NCAPD2: variants seen among roughly 807,000 people sequenced by gnomAD.
NCAPD2 encodes non-SMC condensin I complex subunit D2, also known as condensin complex subunit 1.
In NCAPD2, 100 loss-of-function variants were observed where a neutral mutation model predicts 164.5. That is an observed-to-expected ratio of 0.61 (90% CI 0.52 to 0.72). The LOEUF is 0.72. Ranked by LOEUF, NCAPD2 falls within the 30% of genes least tolerant of loss-of-function variation. The pLI, the probability that NCAPD2 is intolerant of heterozygous loss-of-function variation, is 0.00. For synonymous variants in NCAPD2, 585 were observed against 642.6 expected (o/e 0.91, Z 1.36); for missense variants, 1,560 against 1,749.2 (o/e 0.89, Z 1.93).
chr12:6,511,053 A>T, intron 5 of NCAPD2, 57 bp from the exon 6 acceptor site: 3 of 1,586,818 alleles, frequency 1.9e-6, no homozygotes, highest in Non-Finnish European at 2.6e-6. Flanking sequence ...AGACTGACAG[A>T]TCTTGACCCA....
At chr12:6,500,952 C>T (rs10849471) in intron 2 of NCAPD2, among the ~76,000 whole-genome samples, 23,858 of 151,802 alleles carry the variant, frequency 0.16, 2,161 homozygotes, top group East Asian at 0.31. Flanking sequence ...GGTGATAAAA[C>T]GACTCAGGAT....
At chr12:6,502,827 C>G (rs1350981368) in intron 2 of NCAPD2, among the ~76,000 whole-genome samples, 2 of 120,378 alleles carry the variant, frequency 1.7e-5, no homozygotes, top group Non-Finnish European at 3.4e-5. Flanking sequence ...AAATTGTTTA[C>G]AAAGGTGTTT....
At chr12:6,516,168 C>A (rs1407021261) in intron 9 of NCAPD2, among the ~76,000 whole-genome samples, 1 of 150,492 alleles carries the variant, frequency 6.6e-6, no homozygotes, top group Non-Finnish European at 1.5e-5. Context: ...TGCACTCCAA[C>A]CTGGGTGACA....
At chr12:6,521,766 C>G in intron 14 of NCAPD2, 32 bp from the exon 15 acceptor site, 1 of 1,607,278 alleles carries the variant, frequency 6.2e-7, no homozygotes. Flanking sequence ...TCCCCTTGAA[C>G]GAAACCATCC....
chr12:6,530,795 A>G lies in NCAPD2; in HGVS notation c.3942A>G (p.Pro1314=), dbSNP rs144598859. 109 of 1,614,218 alleles carry G rather than the reference A, an allele frequency of 6.8e-5. 1 individual carries two copies. The African/African-American group carries it at 1.3e-3, about 20-fold the overall frequency. The change falls in exon 30 of 32, where the codon CCA becomes CCG. Residue 1314 remains proline, a synonymous_variant. Coordinates refer to ENST00000315579, the MANE Select transcript of NCAPD2 (RefSeq NM_014865.4). ...GCCAAGCAGGTAGCCAGAGAGCGCC[A>G]TCAGCCAAGAAACCATCCACTGGTA... The part of the protein sequence containing the change: ...EIGQAGSQRA[P]SAKKPSTGSR...
chr12:6,494,450 C>T (rs1206156016), intron 1 of NCAPD2, among the ~76,000 whole-genome samples: 1 of 152,232 alleles, frequency 6.6e-6, no homozygotes, highest in Non-Finnish European at 1.5e-5. Context: ...TTATTATGCA[C>T]CTCATGGGAT....
rs183788505 is a variant in NCAPD2, at chr12:6,528,985, G to T, written c.3518G>T (p.Arg1173Leu). 5 of 1,613,610 alleles carry T rather than the reference G, an allele frequency of 3.1e-6. No homozygotes were observed. The highest frequency in any genetic ancestry group is 3.3e-5 in the Admixed American group (2 of 59,984). The change falls in exon 27 of 32, where the codon CGC becomes CTC. Residue 1173 changes from arginine (R) to leucine (L), a missense_variant. Transcript: ENST00000315579. The surrounding 1 kb of genome is among the most constrained non-coding windows in gnomAD (Gnocchi z 5.1). ...IYNLLPDIIS[R>L]LSDPELGVEE... Reference sequence around the variant, plus strand: ...AATCTCCTTCCAGATATCATCAGCCGCCTGTCAGACCCCGAGCTGGGGGTG... The same window carrying T: ...AATCTCCTTCCAGATATCATCAGCCTCCTGTCAGACCCCGAGCTGGGGGTG...
In NCAPD2 at chr12:6,497,536, T is replaced by A. The variant is rs1001854513; in HGVS notation, c.127+2311T>A. Among the ~76,000 whole-genome samples, 4 of 152,324 alleles carry A rather than the reference T, an allele frequency of 2.6e-5. No homozygotes were observed. The East Asian group carries it at 7.7e-4, about 29-fold the overall frequency. ...TCATTGTTCAGCTCCCACTTGTAAG[T>A]AAGAACATGCAGTGTTTGGTTTTCT... On this transcript the variant is annotated intron_variant, in intron 2 of 31. Coordinates refer to ENST00000315579, the MANE Select transcript of NCAPD2 (RefSeq NM_014865.4).
chr12:6,506,183 C>T (rs1194440811), intron 2 of NCAPD2, among the ~76,000 whole-genome samples: 1 of 152,084 alleles, frequency 6.6e-6, no homozygotes, highest in East Asian at 1.9e-4. Flanking sequence ...GTCTTGAGCT[C>T]CTGACCTCAA....
intron 6 of NCAPD2, among the ~76,000 whole-genome samples, chr12:6,513,977 A>G (rs948224784): frequency 4.0e-5 from 6 of 151,826 alleles, no homozygotes; most frequent in Non-Finnish European, 8.8e-5. Context: ...GGCCTCCCAA[A>G]GTGCTGGGAT....
In NCAPD2 at chr12:6,510,664, C is replaced by G; in HGVS notation, c.298C>G (p.Leu100Val). 1.2e-6 allele frequency: 2 copies of G among 1,614,166 alleles called. No individual in the cohort carries two copies. The highest frequency in any genetic ancestry group is 1.7e-6 in the Non-Finnish European group (2 of 1,180,040). The part of the protein sequence containing the change: ...SRHSQELPAI[L>V]DDTTLSGSDR... The stretch of plus-strand genomic sequence containing the variant: ...CCACTCCCAGGAGCTTCCAGCTATC[C>G]TGGATGATACAACTTTGAGTGGATC... Residue 100 changes from leucine to valine, a missense_variant, in exon 5 of 32, where the codon CTG becomes GTG. By Grantham distance (32) the Leu-to-Val change is conservative. Coordinates refer to ENST00000315579, the MANE Select transcript of NCAPD2 (RefSeq NM_014865.4).
chr12:6,510,882 T>C (rs913120307), intron 5 of NCAPD2, 72 bp downstream of exon 5: 1 of 1,503,896 alleles, frequency 6.6e-7, no homozygotes, highest in Non-Finnish European at 9.1e-7. Flanking sequence ...AAGAAGGGAA[T>C]CCAATGATCC....
chr12:6,508,019 C>T (rs534179173), intron 2 of NCAPD2, among the ~76,000 whole-genome samples: 42 of 151,854 alleles, frequency 2.8e-4, no homozygotes, highest in African/African-American at 1.0e-3. Flanking sequence ...CCTGTCGCTA[C>T]AAAAAATTAA....
At chr12:6,516,699 TTGGGATTCAGCTTTCTCCTGTGACCTTG>T in intron 9 of NCAPD2, 101 bp from the exon 10 acceptor site, 1 of 892,138 alleles carries the variant, frequency 1.1e-6, no homozygotes, top group Non-Finnish European at 1.7e-6. Flanking sequence ...CAAGTCCTCT[TTGGGATTCAGCTTTCTCCTGTGACCTTG>T]GGAGTGAATA....
rs1371237531 is a variant in NCAPD2, at chr12:6,522,883, G to A, written c.2010G>A (p.Gln670=). ...FVMVFQFGVP[Q]ALFGVRRMLP... is the part of the protein sequence containing the mutation. ...TGGTCTTCCAATTTGGGGTACCCCAGGCCCTGTTTGGGGTGCGCCGTATGC... is the reference window on the plus strand; with the variant it reads ...TGGTCTTCCAATTTGGGGTACCCCAAGCCCTGTTTGGGGTGCGCCGTATGC... The change falls in exon 16 of 32, where the codon CAG becomes CAA. Residue 670 remains glutamine (Q), a synonymous_variant. Coordinates refer to ENST00000315579, the MANE Select transcript of NCAPD2 (RefSeq NM_014865.4). 1 of 1,614,182 alleles carries A rather than the reference G, an allele frequency of 6.2e-7. No homozygotes were observed. The highest frequency in any genetic ancestry group is 1.1e-5 in the South Asian group (1 of 91,084).
chr12:6,500,378 G>A (rs1215772060), intron 2 of NCAPD2, among the ~76,000 whole-genome samples: 1 of 152,166 alleles, frequency 6.6e-6, no homozygotes, highest in Non-Finnish European at 1.5e-5. Context: ...AGAAAGTAAG[G>A]AAATAAACTA....
In NCAPD2 at chr12:6,508,905, G is replaced by A. The variant is rs560509075; in HGVS notation, c.128-812G>A. Among the ~76,000 whole-genome samples the A allele has an allele frequency of 1.2e-4, 18 of 152,066 alleles. No individual in the cohort carries two copies. In the South Asian group the frequency reaches 2.3e-3, roughly 19 times the overall value. On this transcript the variant is annotated intron_variant, in intron 2 of 31. Transcript: ENST00000315579. ...AAATACATAACTTCAATATAATCGCGAGAAAACAGGCCAACCCAAATTGAG... is the reference window on the plus strand; with the variant it reads ...AAATACATAACTTCAATATAATCGCAAGAAAACAGGCCAACCCAAATTGAG...
chr12:6,527,063 G>C lies in NCAPD2; in HGVS notation c.2907G>C (p.Lys969Asn). The change falls in exon 22 of 32, where the codon AAG (lysine) becomes AAC (asparagine). Residue 969 changes from lysine (K) to asparagine (N), a missense_variant and splice_region_variant. Transcript: ENST00000315579. Reference sequence around the variant, plus strand: ...ACAAGACCAAAGATCCCAAGGAGAAGGTGTGTGAATGTCCTCAGCACTTCC... The same window carrying C: ...ACAAGACCAAAGATCCCAAGGAGAACGTGTGTGAATGTCCTCAGCACTTCC... ...QEHKTKDPKE[K>N]NTSSETTMEE... The C allele has an allele frequency of 1.2e-6, 2 of 1,609,268 alleles. No individual in the cohort carries two copies. The highest frequency in any genetic ancestry group is 1.7e-6 in the Non-Finnish European group (2 of 1,176,904).
chr12:6,514,295 G>A lies in NCAPD2; in HGVS notation c.618G>A (p.Leu206=). The A allele has an allele frequency of 1.2e-6, 2 of 1,614,098 alleles. No homozygotes were observed. The highest frequency in any genetic ancestry group is 1.1e-5 in the South Asian group (1 of 91,078). ...TTACTGGCTGTTGCTACCGCCTTCT[G>A]GAGAATCCCACCATTAATCACCAGA... ...SLVTGCCYRL[L]ENPTINHQKN... Residue 206 remains leucine (L), a synonymous_variant, in exon 7 of 32, where the codon CTG becomes CTA. Coordinates refer to ENST00000315579, the MANE Select transcript of NCAPD2 (RefSeq NM_014865.4).
Sources: gnomAD v4.1 joint callset for allele counts (sites outside exome capture counted in the v4.1 genomes callset) on GRCh38, gnomAD v4.1.1 for gene constraint, Gnocchi (gnomAD v3.1) non-coding constraint, MANE v1.5 for transcripts, NCBI Gene and HGNC (gene_info 2026-07-23, HGNC 2026-07-21) for gene names.